The following ADAMTS8 variants were observed in gnomAD, a reference collection of about 807,000 sequenced individuals.
The protein encoded by ADAMTS8 is A disintegrin and metalloproteinase with thrombospondin motifs 8.
A neutral mutation model predicts 64.4 loss-of-function variants in ADAMTS8; 50 were observed. The ratio of observed to expected loss-of-function variants is 0.78; its 90% CI spans 0.62 to 0.98. The LOEUF is 0.98. ADAMTS8 is among the 50% of genes least tolerant of loss of function. ADAMTS8 has a pLI of 0.00. For synonymous variants in ADAMTS8, 556 were observed against 533.6 expected (o/e 1.04, Z -0.58); for missense variants, 1,192 against 1,208.2 (o/e 0.99, Z 0.20).
chr11:130,412,495 T>G (rs1861965501), intron 5 of ADAMTS8, among the ~76,000 whole-genome samples: 1 of 152,130 alleles, frequency 6.6e-6, no homozygotes, highest in Admixed American at 6.5e-5. Context: ...ATTACAAGTG[T>G]GAGCCACCAT....
Position 130,408,483 on chromosome 11 carries a change from C to G in ADAMTS8, c.2080G>C (p.Gly694Arg), listed in dbSNP as rs566233048. 2 of 1,613,754 alleles carry G rather than the reference C, an allele frequency of 1.2e-6. No individual in the cohort carries two copies. Among genetic ancestry groups the G allele is most frequent in the South Asian group, 1.1e-5 (1 of 91,052 alleles). The stretch of plus-strand genomic sequence containing the variant: ...ACTCACTTGGTGGGGGTGAGGGACC[C>G]GGAGACCTTCCTGCAGGAGTTGCCT... The part of the protein sequence containing the change: ...GKGNSCRKVS[G>R]SLTPTNYGYN... The change falls in exon 8 of 9, where the codon GGG becomes CGG. Residue 694 changes from glycine to arginine, a missense_variant. By Grantham distance (125) the Gly-to-Arg change is moderately radical. Around this residue, in one of 5 missense-constraint regions of ADAMTS8, gnomAD observed 290 missense variants for 297.8 expected, o/e 0.97. Transcript: ENST00000257359.
chr11:130,423,069 T>A (rs548690913), intron 1 of ADAMTS8, among the ~76,000 whole-genome samples: 1 of 152,336 alleles, frequency 6.6e-6, no homozygotes, highest in East Asian at 1.9e-4. Context: ...ATTATTTCGA[T>A]TTCATTCCAA....
At chr11:130,406,162 G>A (rs1861882434) in intron 8 of ADAMTS8, 34 bp from the exon 9 acceptor site, 1 of 1,576,852 alleles carries the variant, frequency 6.3e-7, no homozygotes, top group South Asian at 1.1e-5. Flanking sequence ...CCTTAGACCA[G>A]TGGCTGCCCA....
At chr11:130,419,961 T>C (rs764264078) in intron 1 of ADAMTS8, among the ~76,000 whole-genome samples, 49 of 152,350 alleles carry the variant, frequency 3.2e-4, no homozygotes, top group Non-Finnish European at 4.9e-4. Context: ...CCACAGTACC[T>C]CATTCAATTC....
chr11:130,411,499 G>C lies in ADAMTS8; in HGVS notation c.1668C>G (p.Pro556=), dbSNP rs761739078. 6.2e-7 allele frequency: 1 copy of C among 1,614,124 alleles called. No homozygotes were observed. ...VQFSHRECKD[P]EPQNGGRYCL... is the part of the protein sequence containing the mutation. ...AGTATCTTCCTCCATTCTGAGGCTC[G>C]GGGTCCTTGCACTCACGGTGTGAAA... The change falls in exon 6 of 9, where the codon CCC becomes CCG. Residue 556 remains proline (P), a synonymous_variant. Coordinates refer to ENST00000257359, the MANE Select transcript of ADAMTS8 (RefSeq NM_007037.6). This position sits in a 1 kb window ranked among gnomAD's most constrained non-coding sequence, Gnocchi z 4.2.
At chr11:130,410,474 A>G (rs531863238) in intron 6 of ADAMTS8, among the ~76,000 whole-genome samples, 1 of 152,304 alleles carries the variant, frequency 6.6e-6, no homozygotes, top group South Asian at 2.1e-4. Flanking sequence ...CTCACCCTGT[A>G]TGCCAGGCAA....
chr11:130,408,091 A>T (rs1311541177), intron 8 of ADAMTS8, among the ~76,000 whole-genome samples: 1 of 152,130 alleles, frequency 6.6e-6, no homozygotes, highest in Admixed American at 6.5e-5. Flanking sequence ...CGTCCTTCCC[A>T]AAACAGGCCT....
chr11:130,411,713 G>T lies in ADAMTS8; in HGVS notation c.1567-113C>A. On this transcript the variant is annotated intron_variant, in intron 5 of 8. Transcript: ENST00000257359. This position sits in a 1 kb window ranked among gnomAD's most constrained non-coding sequence, Gnocchi z 4.2. ...CTCATCTAGTCATTATCATCTTGGT[G>T]CATGGAGTGCCGTAAACTGCCTCAA... is the stretch of plus-strand genomic sequence containing the variant. 2.7e-6 allele frequency: 3 copies of T among 1,095,746 alleles called. No individual in the cohort carries two copies. Among genetic ancestry groups the T allele is most frequent in the Non-Finnish European group, 3.9e-6 (3 of 760,550 alleles). The allele number at this position is 1,095,746 out of a possible 1,614,324, so 67.9% of individuals were successfully genotyped here.
In ADAMTS8 at chr11:130,419,222, T is replaced by C. The variant is rs2291348; in HGVS notation, c.791A>G (p.Asn264Ser). 0.02 allele frequency: 32,682 copies of C among 1,614,012 alleles called. 1,799 individuals are homozygous for C. The African/African-American group carries it at 0.2, about 10-fold the overall frequency. The change falls in exon 2 of 9, where the codon AAC (asparagine) becomes AGC (serine). Residue 264 changes from asparagine (N) to serine (S), a missense_variant. Physicochemically the swap from Asn to Ser is conservative, Grantham distance 46 (BLOSUM62 1). This residue lies in a region of ADAMTS8 where 741 missense variants were observed against 710.6 expected (regional missense o/e 1.04). Transcript: ENST00000257359. ...YKHPSIKNSI[N>S]LMVVKVLIVE... ...GATCAGCACTTTTACCACCATCAGG[T>C]TGATGGAATTCTTGATGCTGGGGTG...
chr11:130,405,394 C>A lies in ADAMTS8; in HGVS notation c.*164G>T. 1 of 1,433,682 alleles carries A rather than the reference C, an allele frequency of 7.0e-7. No individual in the cohort carries two copies. 88.8% of individuals were successfully genotyped at this position (1,433,682 alleles called of 1,614,324 possible). On this transcript the variant is annotated 3_prime_UTR_variant, in exon 9 of 9. Coordinates refer to ENST00000257359, the MANE Select transcript of ADAMTS8 (RefSeq NM_007037.6). ...CCGCCCCATACCCTCTCCTCTTCCCCCTTAGGAATTTGTGCAGTACTGGAG... is the reference window on the plus strand; with the variant it reads ...CCGCCCCATACCCTCTCCTCTTCCCACTTAGGAATTTGTGCAGTACTGGAG...
rs559708053 is a variant in ADAMTS8 at position 130,408,980 on chromosome 11, C to A, written c.1751-40G>T. The A allele has an allele frequency of 1.9e-5, 29 of 1,502,776 alleles. 1 individual carries two copies. The highest frequency in any genetic ancestry group is 2.3e-5 in the Non-Finnish European group (26 of 1,126,152). 93.1% of individuals were successfully genotyped at this position (1,502,776 alleles called of 1,614,324 possible). On this transcript the variant is annotated intron_variant, in intron 6 of 8. Coordinates refer to ENST00000257359, the MANE Select transcript of ADAMTS8 (RefSeq NM_007037.6). ...AAACGGCATGGAGGTGACACCCATG[C>A]GGAAGCAGGAGCATCCGGTGGAGAA... is the stretch of plus-strand genomic sequence containing the variant.
chr11:130,416,431 C>T lies in ADAMTS8; in HGVS notation c.1097-101G>A. On this transcript the variant is annotated intron_variant, in intron 3 of 8. Coordinates refer to ENST00000257359, the MANE Select transcript of ADAMTS8 (RefSeq NM_007037.6). The surrounding 1 kb of genome is among the most constrained non-coding windows in gnomAD (Gnocchi z 4.8). ...TGGAGCTCCTCAGGGGAGCAGCCACCCCCTCACTCTCCGAAGATTTCTGCG... is the reference window on the plus strand; with the variant it reads ...TGGAGCTCCTCAGGGGAGCAGCCACTCCCTCACTCTCCGAAGATTTCTGCG... 7.6e-7 allele frequency: 1 copy of T among 1,309,604 alleles called. No individual in the cohort carries two copies. 81.1% of individuals were successfully genotyped at this position (1,309,604 alleles called of 1,614,324 possible). A position where few individuals can be genotyped will look rare whatever the true frequency, so the allele number is the denominator to read the frequency against.
intron 8 of ADAMTS8, among the ~76,000 whole-genome samples, chr11:130,407,062 G>A (rs967491716): frequency 2.0e-5 from 3 of 152,256 alleles, no homozygotes; most frequent in African/African-American, 7.2e-5. Flanking sequence ...TGTCTTTTGA[G>A]CTTAAATGTA....
In ADAMTS8 at chr11:130,408,841, A is replaced by G; in HGVS notation, c.1850T>C (p.Val617Ala). 6.2e-7 allele frequency: 1 copy of G among 1,613,478 alleles called. No individual in the cohort carries two copies. Among genetic ancestry groups the G allele is most frequent in the Non-Finnish European group, 8.5e-7 (1 of 1,179,786 alleles). Residue 617 changes from valine to alanine, a missense_variant, in exon 7 of 9, where the codon GTG (valine) becomes GCG (alanine). This residue lies in a region of ADAMTS8 where 290 missense variants were observed against 297.8 expected (regional missense o/e 0.97). Coordinates refer to ENST00000257359, the MANE Select transcript of ADAMTS8 (RefSeq NM_007037.6). The stretch of plus-strand genomic sequence containing the variant: ...CAACTTGCAGCGGTCCCGGGGGGAC[A>G]CCCCAGCATACTTGGGGACCCACTG... ...LLQWVPKYAGVSPRDRCKLFC... is the reference protein window; with the variant it reads ...LLQWVPKYAGASPRDRCKLFC...
intron 8 of ADAMTS8, 67 bp downstream of exon 8, chr11:130,408,397 C>A: frequency 6.4e-7 from 1 of 1,571,454 alleles, no homozygotes; most frequent in South Asian, 1.1e-5. Flanking sequence ...CAATTTGGGC[C>A]TAGCAGAGTG....
chr11:130,425,703 C>G (rs1004925697), intron 1 of ADAMTS8, among the ~76,000 whole-genome samples: 1 of 151,818 alleles, frequency 6.6e-6, no homozygotes, highest in Non-Finnish European at 1.5e-5. Flanking sequence ...TGAGTTGACA[C>G]CATTCTCCTG....
In ADAMTS8 at chr11:130,405,108, C is replaced by T; in HGVS notation, c.*450G>A. On this transcript the variant is annotated 3_prime_UTR_variant, in exon 9 of 9. Transcript: ENST00000257359. ...TTCTTGAAGACAGCTTGGGGTCCAG[C>T]TTTGGAGCCTGCTTTGACATTCACC... 1 of 992,322 alleles carries T rather than the reference C, an allele frequency of 1.0e-6. No homozygotes were observed. The highest frequency in any genetic ancestry group is 1.2e-6 in the Non-Finnish European group (1 of 834,446). 61.5% of individuals were successfully genotyped at this position (992,322 alleles called of 1,614,324 possible).
Position 130,416,595 on chromosome 11 carries a change from C to T in ADAMTS8, c.1097-265G>A, listed in dbSNP as rs1862028309. ...TATTTGCCCTCTCACATGACAGTCC[C>T]TGGACCATTGTTCTTCCCCCAGATC... On this transcript the variant is annotated intron_variant, in intron 3 of 8. Coordinates refer to ENST00000257359, the MANE Select transcript of ADAMTS8 (RefSeq NM_007037.6). This position sits in a 1 kb window ranked among gnomAD's most constrained non-coding sequence, Gnocchi z 4.8. Among the ~76,000 whole-genome samples, 1 of 152,220 alleles carries T rather than the reference C, an allele frequency of 6.6e-6. No homozygotes were observed. Among genetic ancestry groups the T allele is most frequent in the Non-Finnish European group, 1.5e-5 (1 of 68,038 alleles).
chr11:130,427,637 T>G lies in ADAMTS8; in HGVS notation c.650A>C (p.Glu217Ala), dbSNP rs1162342664. The change falls in exon 1 of 9, where the codon GAG becomes GCG. Residue 217 changes from glutamate to alanine, a missense_variant. Physicochemically the swap from Glu to Ala is moderately radical, Grantham distance 107 (BLOSUM62 -1). Around this residue, in one of 5 missense-constraint regions of ADAMTS8, gnomAD observed 741 missense variants for 710.6 expected, o/e 1.04. Transcript: ENST00000257359. ...CAGCAGCGTCTCCACGAAGCGCGCC[T>G]CAGACACAAACCGCTTGGTCCTACT... The part of the protein sequence containing the change: ...ATSRTKRFVS[E>A]ARFVETLLVA... 6.3e-7 allele frequency: 1 copy of G among 1,578,630 alleles called. No homozygotes were observed. The highest frequency in any genetic ancestry group is 8.6e-7 in the Non-Finnish European group (1 of 1,165,068).
Sources: gnomAD v4.1 joint callset for allele counts (sites outside exome capture counted in the v4.1 genomes callset) on GRCh38, gnomAD v4.1.1 for gene constraint, gnomAD v4.1.1 regional missense constraint, Gnocchi (gnomAD v3.1) non-coding constraint, MANE v1.5 for transcripts, NCBI Gene and HGNC (gene_info 2026-07-23, HGNC 2026-07-21) for gene names.